Variants in NR3C2 observed in about 807,000 individuals in gnomAD.
The protein encoded by NR3C2 is nuclear receptor subfamily 3 group C member 2.
A neutral mutation model predicts 86.4 loss-of-function variants in NR3C2; 15 were observed. The observed-to-expected ratio is 0.17, with a 90% CI of 0.12 to 0.27. NR3C2 has a LOEUF of 0.27. Among genes scored for constraint, NR3C2 ranks in the 10% least tolerant of loss-of-function variants. The probability of loss-of-function intolerance (pLI) is 1.00; values close to 1 mark genes in which losing one functional copy is unlikely to be tolerated. For missense variants in NR3C2, 960 were observed against 1,195.6 expected, an observed-to-expected ratio of 0.80 and a Z score of 2.91; for synonymous variants, 458 against 450.5, an observed-to-expected ratio of 1.02 and a Z score of -0.21.
At position 148,154,759 on chromosome 4, in the gene NR3C2, G is replaced by T; in HGVS notation, c.2157C>A (p.Val719=). The T allele has an allele frequency of 7.2e-7, 1 of 1,382,020 alleles. No individual in the cohort carries two copies. The highest frequency in any genetic ancestry group is 1.5e-5 in the African/African-American group (1 of 66,376). The allele number at this position is 1,382,020 out of a possible 1,614,324, so 85.6% of individuals were successfully genotyped here. The change falls in exon 5 of 9, where the codon GTC becomes GTA. Residue 719 remains valine, a synonymous_variant. Transcript: ENST00000358102. The part of the protein sequence containing the change: ...TYIAPAKEPS[V]NTALVPQLST... ...AGAGCTGAGGAACCAGTGCTGTGTT[G>T]ACCGAGGGTTCTTTTGCAGGAGCGA... is the stretch of plus-strand genomic sequence containing the variant.
At chr4:148,187,937 T>A (rs1334591228) in intron 4 of NR3C2, among the ~76,000 whole-genome samples, 8 of 152,342 alleles carry the variant, frequency 5.3e-5, no homozygotes, top group African/African-American at 1.9e-4. Flanking sequence ...CTCCTACGTG[T>A]GGCCAGGCAA....
At chr4:148,190,719 G>A (rs543091807) in intron 4 of NR3C2, among the ~76,000 whole-genome samples, 1 of 152,250 alleles carries the variant, frequency 6.6e-6, no homozygotes, top group South Asian at 2.1e-4. Context: ...GAGCTCCACT[G>A]TTACGTGCAT....
intron 4 of NR3C2, 39 bp from the exon 5 acceptor site, chr4:148,154,940 A>T (rs763009393): frequency 6.7e-7 from 1 of 1,484,674 alleles, no homozygotes; most frequent in South Asian, 1.2e-5. Context: ...AATTAAAATT[A>T]TGTTTGAAAT....
chr4:148,443,889 T>G (rs1225748618), upstream of NR3C2: 5 of 639,994 alleles, frequency 7.8e-6, no homozygotes, highest in South Asian at 2.7e-4. Flanking sequence ...ACTTGAACTC[T>G]CAGCCGCTCC....
chr4:148,267,440 G>T (rs1363831533), intron 2 of NR3C2, among the ~76,000 whole-genome samples: 3 of 151,966 alleles, frequency 2.0e-5, no homozygotes, highest in Non-Finnish European at 2.9e-5. Context: ...TCTTAATGGT[G>T]GCTGCCATAA....
chr4:148,195,568 A>T (rs1043114840), intron 3 of NR3C2, among the ~76,000 whole-genome samples: 1 of 152,220 alleles, frequency 6.6e-6, no homozygotes, highest in African/African-American at 2.4e-5. Context: ...AGACAAGGTA[A>T]TTAGATAAAA....
rs576048433 is a variant in NR3C2, at chr4:148,261,472, A to G, written c.1758-1355T>C. ...AGTGCTATGGTGCACTATGGTAAGC[A>G]CTATGGTGCAGGGTAACGGGGGCAG... On this transcript the variant is annotated intron_variant, in intron 2 of 8. Coordinates refer to ENST00000358102, the MANE Select transcript of NR3C2 (RefSeq NM_000901.5). 7.9e-5 allele frequency among the ~76,000 whole-genome samples: 12 copies of G among 152,176 alleles called. No individual in the cohort carries two copies. The East Asian group carries it at 1.5e-3, about 20-fold the overall frequency.
At chr4:148,365,872 C>T (rs1426499880) in intron 2 of NR3C2, among the ~76,000 whole-genome samples, 2 of 152,096 alleles carry the variant, frequency 1.3e-5, no homozygotes, top group East Asian at 1.9e-4. Flanking sequence ...CCGGAAATTC[C>T]AGGCACTGAC....
In NR3C2 at chr4:148,435,477, C is replaced by A. The variant is rs1477090162; in HGVS notation, c.1384G>T (p.Asp462Tyr). 4 of 1,613,978 alleles carry A rather than the reference C, an allele frequency of 2.5e-6. No individual in the cohort carries two copies. The Admixed American group carries it at 5.0e-5, about 20-fold the overall frequency. The change falls in exon 2 of 9, where the codon GAT becomes TAT. Residue 462 changes from aspartate to tyrosine, a missense_variant. Asp to Tyr is a radical substitution (Grantham distance 160). This residue lies in a region of NR3C2 where 680 missense variants were observed against 719.0 expected (regional missense o/e 0.95). Coordinates refer to ENST00000358102, the MANE Select transcript of NR3C2 (RefSeq NM_000901.5). ...GATAGGGAATAATAGTCTTTATCAT[C>A]CATAAAGGAAAAATACGAGCCATCC... Reference protein sequence around the residue: ...FMDGSYFSFMDDKDYYSLSGI... With the variant: ...FMDGSYFSFMYDKDYYSLSGI...
intron 2 of NR3C2, among the ~76,000 whole-genome samples, chr4:148,313,912 T>C (rs757480807): frequency 5.9e-5 from 9 of 152,222 alleles, no homozygotes; most frequent in African/African-American, 1.9e-4. Flanking sequence ...TTTATTATAA[T>C]GGTTAATATA....
chr4:148,127,598 G>A lies in NR3C2; in HGVS notation c.2511-7310C>T, dbSNP rs544041883. Among the ~76,000 whole-genome samples the A allele has an allele frequency of 7.9e-5, 12 of 152,282 alleles. No homozygotes were observed. In the East Asian group the frequency reaches 2.3e-3, roughly 29 times the overall value. ...AGACCTGAGTAACTAACAGCTGCTA[G>A]TCTCTACTTAAGAACCGTGAGTACT... On this transcript the variant is annotated intron_variant, in intron 6 of 8. Transcript: ENST00000358102.
chr4:148,234,176 A>G (rs1403693943), intron 3 of NR3C2, among the ~76,000 whole-genome samples: 1 of 152,230 alleles, frequency 6.6e-6, no homozygotes, highest in East Asian at 1.9e-4. Context: ...GCATCCTAAC[A>G]TAAAGCTTTC....
At chr4:148,414,328 T>C (rs1748890636) in intron 2 of NR3C2, among the ~76,000 whole-genome samples, 1 of 152,172 alleles carries the variant, frequency 6.6e-6, no homozygotes, top group Admixed American at 6.5e-5. Flanking sequence ...GGGATCCAAA[T>C]CTGATTTGAA....
intron 2 of NR3C2, among the ~76,000 whole-genome samples, chr4:148,371,013 T>C (rs897249334): frequency 1.2e-4 from 18 of 152,186 alleles, no homozygotes; most frequent in Non-Finnish European, 2.4e-4. Context: ...ACTACAGGTA[T>C]GTGCCACCAT....
chr4:148,344,393 A>C (rs1346644673), intron 2 of NR3C2, among the ~76,000 whole-genome samples: 1 of 152,204 alleles, frequency 6.6e-6, no homozygotes, highest in Non-Finnish European at 1.5e-5. Flanking sequence ...ATGAGCGTTG[A>C]AGCTAAACAT....
At chr4:148,387,979 A>C (rs944806056) in intron 2 of NR3C2, among the ~76,000 whole-genome samples, 1 of 152,198 alleles carries the variant, frequency 6.6e-6, no homozygotes, top group African/African-American at 2.4e-5. Flanking sequence ...CATCACTGAA[A>C]ATCTTGCCAC....
chr4:148,313,327 G>A (rs546685724), intron 2 of NR3C2, among the ~76,000 whole-genome samples: 1 of 152,172 alleles, frequency 6.6e-6, no homozygotes, highest in South Asian at 2.1e-4. Context: ...CAAGTTTTAT[G>A]CATAAAAATA....
At chr4:148,331,291 C>G (rs969919599) in intron 2 of NR3C2, among the ~76,000 whole-genome samples, 7 of 151,950 alleles carry the variant, frequency 4.6e-5, no homozygotes, top group African/African-American at 1.5e-4. Flanking sequence ...AAACGAAAAA[C>G]TAAAATGAAT....
At chr4:148,381,526 T>C (rs944683883) in intron 2 of NR3C2, among the ~76,000 whole-genome samples, 6 of 152,196 alleles carry the variant, frequency 3.9e-5, no homozygotes, top group Admixed American at 2.0e-4. Context: ...CCAGAAAGTA[T>C]ACTCTCCCAT....
Sources: allele counts gnomAD v4.1 joint callset (sites outside exome capture counted in the v4.1 genomes callset), GRCh38; gene constraint gnomAD v4.1.1; regional missense constraint gnomAD v4.1.1; transcripts MANE v1.5; gene names NCBI Gene and HGNC (gene_info 2026-07-23, HGNC 2026-07-21).